GMDS: variants seen among roughly 807,000 people sequenced by gnomAD.
GMDS encodes the protein GDP-mannose 4,6-dehydratase.
A neutral mutation model predicts 49.9 loss-of-function variants in GMDS; 20 were observed. The ratio of observed to expected loss-of-function variants is 0.40; its 90% CI spans 0.28 to 0.58. The LOEUF is 0.58. Ranked by LOEUF, GMDS falls within the 20% of genes least tolerant of loss-of-function variation. The probability of loss-of-function intolerance (pLI) is 0.42; values close to 1 mark genes in which losing one functional copy is unlikely to be tolerated. For missense variants in GMDS, 362 were observed against 481.4 expected (o/e 0.75, Z 2.32); for synonymous variants, 177 against 178.6 (o/e 0.99, Z 0.07).
intron 7 of GMDS, among the ~76,000 whole-genome samples, chr6:1,831,677 T>C (rs1053909784): frequency 2.6e-5 from 4 of 152,200 alleles, no homozygotes; most frequent in African/African-American, 9.6e-5. Flanking sequence ...TATAAAATCT[T>C]GAAAATTCTT....
rs534647289 is a variant in GMDS at position 2,208,836 on chromosome 6, C to T, written c.102+36485G>A. 3.4e-5 allele frequency among the ~76,000 whole-genome samples: 5 copies of T among 147,486 alleles called. No homozygotes were observed. The East Asian group carries it at 6.0e-4, about 18-fold the overall frequency. On this transcript the variant is annotated intron_variant, in intron 1 of 10. Transcript: ENST00000380815. ...ATTATCACTAACTGAATTCTAAGGCCGGTACAGTGGGCTACATTAAAAAAA... is the reference window on the plus strand; with the variant it reads ...ATTATCACTAACTGAATTCTAAGGCTGGTACAGTGGGCTACATTAAAAAAA...
intron 9 of GMDS, among the ~76,000 whole-genome samples, chr6:1,723,367 C>G (rs1766458568): frequency 6.8e-6 from 1 of 147,360 alleles, no homozygotes; most frequent in Admixed American, 6.8e-5. Context: ...CGCTCTGTGG[C>G]CCAGGCTGGA....
intron 6 of GMDS, among the ~76,000 whole-genome samples, chr6:1,946,750 C>T (rs565702288): frequency 1.3e-5 from 2 of 152,128 alleles, no homozygotes; most frequent in Admixed American, 6.5e-5. Context: ...AAAGGAGGAG[C>T]GTGTGTCAGG....
chr6:1,926,538 C>T (rs1762016850), intron 7 of GMDS, among the ~76,000 whole-genome samples: 1 of 152,222 alleles, frequency 6.6e-6, no homozygotes, highest in Admixed American at 6.5e-5. Flanking sequence ...GTTTGACCTA[C>T]ATTTGCAAAC....
chr6:2,046,740 C>A (rs1475708178), intron 4 of GMDS, among the ~76,000 whole-genome samples: 1 of 152,160 alleles, frequency 6.6e-6, no homozygotes, highest in Non-Finnish European at 1.5e-5. Context: ...GGATTACAAG[C>A]TACAATGTTT....
intron 7 of GMDS, among the ~76,000 whole-genome samples, chr6:1,869,021 G>A (rs374077743): frequency 2.6e-5 from 4 of 152,174 alleles, no homozygotes; most frequent in East Asian, 3.8e-4. Context: ...GAAACCATCC[G>A]TGACAGTGGG....
intron 1 of GMDS, among the ~76,000 whole-genome samples, chr6:2,210,622 C>T (rs942508631): frequency 6.6e-6 from 1 of 152,132 alleles, no homozygotes; most frequent in Admixed American, 6.5e-5. Context: ...CTAGGGGCTC[C>T]CAGGAAAGGT....
intron 7 of GMDS, among the ~76,000 whole-genome samples, chr6:1,896,673 T>A (rs975754234): frequency 6.6e-6 from 1 of 152,098 alleles, no homozygotes; most frequent in African/African-American, 2.4e-5. Context: ...AGGGGTTGTA[T>A]CAAAGTTAGA....
intron 4 of GMDS, among the ~76,000 whole-genome samples, chr6:2,068,235 C>T (rs1415541420): frequency 2.6e-5 from 4 of 151,950 alleles, no homozygotes; most frequent in Non-Finnish European, 2.9e-5. Context: ...CTAAAAACTC[C>T]CAATAAATTA....
Position 2,052,882 on chromosome 6 carries a change from G to T in GMDS, c.345+62889C>A, listed in dbSNP as rs180931470. 2.5e-3 allele frequency among the ~76,000 whole-genome samples: 376 copies of T among 152,232 alleles called. 1 individual carries two copies. Among genetic ancestry groups the T allele is most frequent in the African/African-American group, 8.8e-3 (364 of 41,528 alleles). Reference sequence around the variant, plus strand: ...GACTGTCAGGCCCAAACAATAGAAAGAGCCTCTGTCTACACTAACACTGCT... The same window carrying T: ...GACTGTCAGGCCCAAACAATAGAAATAGCCTCTGTCTACACTAACACTGCT... On this transcript the variant is annotated intron_variant, in intron 4 of 10. Transcript: ENST00000380815.
rs75413670 is a variant in GMDS at position 2,174,270 on chromosome 6, C to T, written c.103-49539G>A. Among the ~76,000 whole-genome samples the T allele has an allele frequency of 8.7e-3, 1,319 of 152,244 alleles. 17 individuals carry two copies. Among genetic ancestry groups the T allele is most frequent in the African/African-American group, 0.03 (1,250 of 41,548 alleles). Reference sequence around the variant, plus strand: ...GGATGATAAAATGCTTACAAAAGTACTTTTTAAAAAGGATAAGAGAATGTT... The same window carrying T: ...GGATGATAAAATGCTTACAAAAGTATTTTTTAAAAAGGATAAGAGAATGTT... On this transcript the variant is annotated intron_variant, in intron 1 of 10. Coordinates refer to ENST00000380815, the MANE Select transcript of GMDS (RefSeq NM_001500.4).
intron 1 of GMDS, among the ~76,000 whole-genome samples, chr6:2,228,494 G>C (rs985027073): frequency 2.0e-5 from 3 of 152,186 alleles, no homozygotes; most frequent in African/African-American, 7.2e-5. Flanking sequence ...AATTAAGAAA[G>C]CATCCCTTCC....
intron 1 of GMDS, among the ~76,000 whole-genome samples, chr6:2,170,636 TA>T (rs201614473): frequency 0.055 from 7,007 of 126,748 alleles, 266 homozygotes; most frequent in South Asian, 0.15. Context: ...TAAAAAAAAA[TA>T]AAAAAAAAAA....
intron 7 of GMDS, among the ~76,000 whole-genome samples, chr6:1,857,156 T>A (rs1294721369): frequency 1.3e-5 from 2 of 152,204 alleles, no homozygotes; most frequent in African/African-American, 4.8e-5. Context: ...CACTACCAAG[T>A]TATAAAGTAT....
intron 4 of GMDS, among the ~76,000 whole-genome samples, chr6:1,982,411 G>A (rs1765271919): frequency 6.6e-6 from 1 of 152,138 alleles, no homozygotes; most frequent in South Asian, 2.1e-4. Flanking sequence ...AGAAATATAA[G>A]GTATTCAAAC....
chr6:1,950,551 C>G (rs1328863202), intron 6 of GMDS, among the ~76,000 whole-genome samples: 1 of 152,146 alleles, frequency 6.6e-6, no homozygotes, highest in Non-Finnish European at 1.5e-5. Flanking sequence ...GACCATAATA[C>G]TTAAGGCCCT....
At chr6:2,076,281 C>T (rs12180667) in intron 4 of GMDS, among the ~76,000 whole-genome samples, 2,217 of 152,280 alleles carry the variant, frequency 0.015, 49 homozygotes, top group African/African-American at 0.05. Context: ...AATGGAAGAA[C>T]TTTCCATGCT....
intron 7 of GMDS, among the ~76,000 whole-genome samples, chr6:1,903,216 C>T (rs535055012): frequency 6.6e-6 from 1 of 152,288 alleles, no homozygotes; most frequent in South Asian, 2.1e-4. Flanking sequence ...CAAATTTCTA[C>T]AAATAGTGGT....
chr6:2,034,501 G>T (rs190349914), intron 4 of GMDS, among the ~76,000 whole-genome samples: 4 of 152,098 alleles, frequency 2.6e-5, no homozygotes, highest in African/African-American at 9.7e-5. Context: ...GCAACTCTAG[G>T]AATAAACTAA....
Sources: allele counts gnomAD v4.1 joint callset (sites outside exome capture counted in the v4.1 genomes callset), GRCh38; gene constraint gnomAD v4.1.1; transcripts MANE v1.5; gene names NCBI Gene and HGNC (gene_info 2026-07-23, HGNC 2026-07-21).